The following GPC6 variants were observed in gnomAD, a reference collection of about 807,000 sequenced individuals.
The protein encoded by GPC6 is glypican 6.
A neutral mutation model predicts 55.2 loss-of-function variants in GPC6; 14 were observed. The observed-to-expected ratio is 0.25, with a 90% CI of 0.17 to 0.40. GPC6 has a LOEUF of 0.40. Ranked by LOEUF, GPC6 falls within the 10% of genes least tolerant of loss-of-function variation. The pLI, the probability that GPC6 is intolerant of heterozygous loss-of-function variation, is 1.00. For synonymous variants in GPC6, 278 were observed against 259.6 expected (o/e 1.07, Z -0.68); for missense variants, 641 against 708.5 (o/e 0.90, Z 1.08).
intron 1 of GPC6, among the ~76,000 whole-genome samples, chr13:93,315,919 C>T (rs947279427): frequency 6.6e-6 from 1 of 151,928 alleles, no homozygotes; most frequent in Non-Finnish European, 1.5e-5. Context: ...TTCTGATCCT[C>T]TAGCTAATAT....
intron 6 of GPC6, among the ~76,000 whole-genome samples, chr13:94,373,251 C>G (rs1366579933): frequency 7.9e-5 from 12 of 151,176 alleles, no homozygotes; most frequent in Admixed American, 7.9e-4. Context: ...AGGCTTCAGA[C>G]GATCAAATTA....
chr13:93,731,540 CT>C (rs1391936026), intron 2 of GPC6, among the ~76,000 whole-genome samples: 1 of 152,148 alleles, frequency 6.6e-6, no homozygotes, highest in African/African-American at 2.4e-5. Context: ...AACCAAGCGT[CT>C]ATTCTAAGGA....
chr13:93,314,855 G>A (rs1490332486), intron 1 of GPC6, among the ~76,000 whole-genome samples: 1 of 151,990 alleles, frequency 6.6e-6, no homozygotes, highest in East Asian at 1.9e-4. Flanking sequence ...CAAAGCCAAA[G>A]GATTACATGG....
chr13:93,359,524 TACATA>T (rs1880973297), intron 1 of GPC6, among the ~76,000 whole-genome samples: 2 of 152,304 alleles, frequency 1.3e-5, no homozygotes, highest in South Asian at 4.1e-4. Context: ...ATAATAAATA[TACATA>T]TTTGATATGT....
chr13:93,671,356 G>C (rs1032334444), intron 2 of GPC6, among the ~76,000 whole-genome samples: 2 of 151,482 alleles, frequency 1.3e-5, no homozygotes, highest in Admixed American at 6.6e-5. Context: ...AATTCTAAGC[G>C]TGGAATACCA....
intron 4 of GPC6, among the ~76,000 whole-genome samples, chr13:94,042,414 T>C (rs775543279): frequency 9.2e-5 from 14 of 151,906 alleles, no homozygotes; most frequent in Non-Finnish European, 1.6e-4. Flanking sequence ...TACTATTAAC[T>C]AAATTACATA....
chr13:93,861,930 A>C (rs1888825237), intron 3 of GPC6, among the ~76,000 whole-genome samples: 1 of 151,672 alleles, frequency 6.6e-6, no homozygotes. Context: ...GTGCCCCTTC[A>C]GTAAGATAAG....
chr13:93,891,939 A>G (rs1292564837), intron 3 of GPC6, among the ~76,000 whole-genome samples: 1 of 151,818 alleles, frequency 6.6e-6, no homozygotes. Context: ...TATATAGTGT[A>G]TGCATGTGTG....
intron 4 of GPC6, among the ~76,000 whole-genome samples, chr13:94,146,710 C>T (rs1267296769): frequency 6.6e-6 from 1 of 152,086 alleles, no homozygotes; most frequent in Admixed American, 6.6e-5. Flanking sequence ...TAACACTTTG[C>T]AGATGGAAAG....
rs1238312026 is a variant in GPC6, at chr13:93,600,967, GA to G, written c.319+55559del. Among the ~76,000 whole-genome samples the G allele has an allele frequency of 1.5e-3, 168 of 110,916 alleles. 3 individuals carry two copies. Among genetic ancestry groups the G allele is most frequent in the East Asian group, 8.9e-3 (30 of 3,352 alleles). 72.8% of individuals were successfully genotyped at this position (110,916 alleles called of 152,430 possible). A position where few individuals can be genotyped will look rare whatever the true frequency, so the allele number is the denominator to read the frequency against. On this transcript the variant is annotated intron_variant, in intron 2 of 8. Coordinates refer to ENST00000377047, the MANE Select transcript of GPC6 (RefSeq NM_005708.5). ...TCCGCCTCAAAAAAAAAAAAAAAAA[GA>G]AAAAAAAAAAAACGGGGATATGATT...
At chr13:94,092,386 GT>G (rs1451053087) in intron 4 of GPC6, among the ~76,000 whole-genome samples, 2 of 152,006 alleles carry the variant, frequency 1.3e-5, no homozygotes, top group Non-Finnish European at 2.9e-5. Context: ...AGATCATGCA[GT>G]ATTTGTCTCT....
intron 6 of GPC6, among the ~76,000 whole-genome samples, chr13:94,306,423 A>G (rs1875952062): frequency 6.6e-6 from 1 of 152,228 alleles, no homozygotes; most frequent in African/African-American, 2.4e-5. Context: ...CAGTTCTTCC[A>G]GAGATATAAT....
intron 1 of GPC6, among the ~76,000 whole-genome samples, chr13:93,390,782 T>A (rs1875598631): frequency 6.6e-6 from 1 of 152,074 alleles, no homozygotes; most frequent in Non-Finnish European, 1.5e-5. Context: ...TTTTTTTCTT[T>A]TTGTTTAATT....
chr13:94,095,984 A>T (rs1406773623), intron 4 of GPC6, among the ~76,000 whole-genome samples: 1 of 152,202 alleles, frequency 6.6e-6, no homozygotes, highest in Non-Finnish European at 1.5e-5. Flanking sequence ...AAATGGAGAA[A>T]GCCACACAGC....
intron 2 of GPC6, among the ~76,000 whole-genome samples, chr13:93,609,305 C>T (rs1212067488): frequency 6.6e-6 from 1 of 152,196 alleles, no homozygotes; most frequent in Non-Finnish European, 1.5e-5. Context: ...ACCTCCGCCT[C>T]CCAGGCTAAA....
chr13:93,439,551 A>C (rs1594170133), intron 1 of GPC6, among the ~76,000 whole-genome samples: 1 of 152,074 alleles, frequency 6.6e-6, no homozygotes, highest in African/African-American at 2.4e-5. Flanking sequence ...TCTTTCTTTT[A>C]TAAATTACCC....
chr13:93,339,498 A>T (rs1880163267), intron 1 of GPC6, among the ~76,000 whole-genome samples: 1 of 152,132 alleles, frequency 6.6e-6, no homozygotes, highest in Non-Finnish European at 1.5e-5. Flanking sequence ...TTGAGTCCTC[A>T]GTCCCATGGA....
At chr13:93,681,502 A>G (rs887307449) in intron 2 of GPC6, among the ~76,000 whole-genome samples, 2 of 152,232 alleles carry the variant, frequency 1.3e-5, no homozygotes, top group African/African-American at 4.8e-5. Flanking sequence ...TGGTAATAAT[A>G]TACAGAAATC....
chr13:93,968,519 G>A (rs1432406982), intron 3 of GPC6, among the ~76,000 whole-genome samples: 4 of 152,066 alleles, frequency 2.6e-5, no homozygotes, highest in Non-Finnish European at 4.4e-5. Flanking sequence ...TATTCAGAGT[G>A]TGCTTTCTTA....
Sources: gnomAD v4.1 joint callset for allele counts (sites outside exome capture counted in the v4.1 genomes callset) on GRCh38, gnomAD v4.1.1 for gene constraint, MANE v1.5 for transcripts, NCBI Gene and HGNC (gene_info 2026-07-23, HGNC 2026-07-21) for gene names.